The following CALY variants were observed in gnomAD, a reference collection of about 807,000 sequenced individuals.
The protein encoded by CALY is calcyon neuron specific vesicular protein.
CALY carries 15 observed loss-of-function variants against 20.2 expected under a neutral mutation model. That is an observed-to-expected ratio of 0.74 (90% confidence interval 0.50 to 1.14). CALY has a LOEUF of 1.14. CALY is among the 50% of genes most tolerant of loss of function. The pLI is 0.00. For synonymous variants in CALY, 129 were observed against 131.8 expected, an observed-to-expected ratio of 0.98 and a Z score of 0.15; for missense variants, 270 against 304.4, an observed-to-expected ratio of 0.89 and a Z score of 0.84.
rs369342402 is a variant in CALY, at chr10:133,326,107, G to A, written c.374C>T (p.Thr125Met). 12 of 1,596,000 alleles carry A rather than the reference G, an allele frequency of 7.5e-6. No homozygotes were observed. In the African/African-American group the frequency reaches 1.5e-4, roughly 20 times the overall value. The change falls in exon 5 of 6, where the codon ACG (threonine) becomes ATG (methionine). Residue 125 changes from threonine (T) to methionine (M), a missense_variant. By Grantham distance (81) the Thr-to-Met change is moderately conservative. Transcript: ENST00000252939. Reference protein sequence around the residue: ...DGFLLRHKICTPLTLEMYYTE... With the variant: ...DGFLLRHKICMPLTLEMYYTE... The stretch of plus-strand genomic sequence containing the variant: ...GTAGTACATCTCCAGGGTCAGCGGC[G>A]TGCAGATCTTGTGCTGCGGGAGGGG...
chr10:133,328,594 C>T (rs1208316662), intron 2 of CALY, among the ~76,000 whole-genome samples: 1 of 152,184 alleles, frequency 6.6e-6, no homozygotes, highest in African/African-American at 2.4e-5. Flanking sequence ...ATGGACAGCA[C>T]GTGGGCGGGG....
chr10:133,329,371 A>ATTCTCC (rs1848265310), intron 1 of CALY, among the ~76,000 whole-genome samples: 2 of 133,124 alleles, frequency 1.5e-5, no homozygotes, highest in African/African-American at 6.1e-5. Context: ...CCTCTTTCTT[A>ATTCTCC]TTCTCCTTCT....
At chr10:133,331,342 C>A (rs919597753) in intron 1 of CALY, among the ~76,000 whole-genome samples, 3 of 152,186 alleles carry the variant, frequency 2.0e-5, no homozygotes, top group Admixed American at 2.0e-4. Context: ...CTGATTGATT[C>A]ACCCATGAAA....
At chr10:133,336,786 C>T (rs1287069614) in intron 1 of CALY, 48 bp downstream of exon 1, 1 of 152,984 alleles carries the variant, frequency 6.5e-6, no homozygotes, top group African/African-American at 2.4e-5. Flanking sequence ...CCCCGCACCC[C>T]TTCGGGCCCC....
At chr10:133,336,199 C>T (rs970556316) in intron 1 of CALY, among the ~76,000 whole-genome samples, 1 of 152,254 alleles carries the variant, frequency 6.6e-6, no homozygotes, top group Non-Finnish European at 1.5e-5. Flanking sequence ...ACTGCGGGGT[C>T]GGCGCAGCCC....
chr10:133,327,912 C>G lies in CALY; in HGVS notation c.239G>C (p.Gly80Ala), dbSNP rs1848240925. The G allele has an allele frequency of 6.2e-7, 1 of 1,609,766 alleles. No homozygotes were observed. Among genetic ancestry groups the G allele is most frequent in the Non-Finnish European group, 8.5e-7 (1 of 1,176,874 alleles). ...TGGGGTGGGTGTGGTTACCCTGCGC[C>G]CTTCCTCTGGGTGGCTGCAGTTCAG... Reference protein sequence around the residue: ...QRLNCSHPEEGRRLPTARMIA... With the variant: ...QRLNCSHPEEARRLPTARMIA... Residue 80 changes from glycine to alanine, a missense_variant, in exon 3 of 6, where the codon GGG (glycine) becomes GCG (alanine). Transcript: ENST00000252939.
chr10:133,331,719 C>T (rs1469042593), intron 1 of CALY, among the ~76,000 whole-genome samples: 3 of 152,190 alleles, frequency 2.0e-5, no homozygotes, highest in Non-Finnish European at 2.9e-5. Flanking sequence ...ACCCCCCAAT[C>T]TGTAGATGCA....
intron 1 of CALY, among the ~76,000 whole-genome samples, chr10:133,332,226 G>A (rs1259644034): frequency 6.6e-6 from 1 of 152,110 alleles, no homozygotes; most frequent in Non-Finnish European, 1.5e-5. Context: ...ACTGCGTGGT[G>A]GAAAAAGTCC....
chr10:133,325,860 C>T lies in CALY; in HGVS notation c.621G>A (p.Ala207=), dbSNP rs1848195844. The T allele has an allele frequency of 1.6e-6, 2 of 1,240,540 alleles. No homozygotes were observed. Among genetic ancestry groups the T allele is most frequent in the Admixed American group, 4.3e-5 (1 of 23,336 alleles). The allele number at this position is 1,240,540 out of a possible 1,614,324, so 76.8% of individuals were successfully genotyped here. A position where few individuals can be genotyped will look rare whatever the true frequency, so the allele number is the denominator to read the frequency against. Residue 207 remains alanine (A), a synonymous_variant, in exon 5 of 6, where the codon GCG becomes GCA. Transcript: ENST00000252939. ...AKAEKEAARK[A]AGSAAPPPAQ ...CGGGCGGGGGCGCCGCGCTCCCGGC[C>T]GCCTTCCGCGCCGCCTCCTTCTCCG... is the stretch of plus-strand genomic sequence containing the variant.
intron 1 of CALY, among the ~76,000 whole-genome samples, chr10:133,330,222 C>G (rs1848279974): frequency 6.6e-6 from 1 of 152,080 alleles, no homozygotes. Flanking sequence ...GGTGCTATGG[C>G]GGCGCCTGTG....
At chr10:133,331,182 C>G (rs1446665980) in intron 1 of CALY, among the ~76,000 whole-genome samples, 2 of 152,276 alleles carry the variant, frequency 1.3e-5, no homozygotes, top group African/African-American at 4.8e-5. Context: ...AACAGTGAAC[C>G]ACTAAATCCC....
chr10:133,326,852 C>A, intron 4 of CALY, 26 bp downstream of exon 4: 1 of 1,508,426 alleles, frequency 6.6e-7, no homozygotes. Flanking sequence ...GCTCTACACC[C>A]CCCACCAGAG....
At chr10:133,329,392 C>CTTCTTCTTCTTT (rs549430070) in intron 1 of CALY, among the ~76,000 whole-genome samples, 119 of 137,454 alleles carry the variant, frequency 8.7e-4, no homozygotes, top group Non-Finnish European at 1.1e-3. Context: ...TCTTCTTCTT[C>CTTCTTCTTCTTT]TTTTTTTTTT....
Position 133,327,682 on chromosome 10 carries a change from G to A in CALY, c.246+223C>T, listed in dbSNP as rs115468790. ...CCAGAAAGAAAAACATCTCAGGAGC[G>A]CCACTGTTTGGTCAGTCTGCACCTG... On this transcript the variant is annotated intron_variant, in intron 3 of 5. Transcript: ENST00000252939. The A allele has an allele frequency of 1.6e-4, 103 of 636,256 alleles. No individual in the cohort carries two copies. The African/African-American group carries it at 1.7e-3, about 10-fold the overall frequency. The allele number at this position is 636,256 out of a possible 1,614,324, so 39.4% of individuals were successfully genotyped here. A position where few individuals can be genotyped will look rare whatever the true frequency, so the allele number is the denominator to read the frequency against.
rs1848177349 is a variant in CALY, at chr10:133,324,780, GCT to G, written c.*813_*814del. On this transcript the variant is annotated 3_prime_UTR_variant, in exon 6 of 6. Coordinates refer to ENST00000252939, the MANE Select transcript of CALY (RefSeq NM_015722.4). ...CTGGGGCTGGGGTGGGGATGCTGGG[GCT>G]GGGGTGGGGATGCTGGGGGAGACTC... 4.4e-6 allele frequency: 1 copy of G among 225,094 alleles called. No homozygotes were observed. The highest frequency in any genetic ancestry group is 8.9e-6 in the Non-Finnish European group (1 of 111,762). The allele number at this position is 225,094 out of a possible 1,614,324, so 13.9% of individuals were successfully genotyped here. A position where few individuals can be genotyped will look rare whatever the true frequency, so the allele number is the denominator to read the frequency against.
intron 2 of CALY, 26 bp downstream of exon 2, chr10:133,328,829 G>A (rs1401941890): frequency 7.2e-6 from 11 of 1,532,558 alleles, no homozygotes; most frequent in Non-Finnish European, 9.6e-6. Flanking sequence ...CCTGAGAAGG[G>A]CCCCCACGCT....
chr10:133,324,899 C>A lies in CALY; in HGVS notation c.*696G>T. ...AGACCCCAGCCCCCAGGAACCAGAG[C>A]TCACCCCTCATCAGGCCCCACTCCC... On this transcript the variant is annotated 3_prime_UTR_variant, in exon 6 of 6. Transcript: ENST00000252939. 1 of 263,394 alleles carries A rather than the reference C, an allele frequency of 3.8e-6. No individual in the cohort carries two copies. Among genetic ancestry groups the A allele is most frequent in the South Asian group, 3.5e-5 (1 of 28,908 alleles). 16.3% of individuals were successfully genotyped at this position (263,394 alleles called of 1,614,324 possible).
chr10:133,325,639 G>C (rs1848188968), intron 5 of CALY, 73 bp from the exon 6 acceptor site: 1 of 334,064 alleles, frequency 3.0e-6, no homozygotes, highest in African/African-American at 2.2e-5. Context: ...GCGTCACCCG[G>C]CGGGCTCGGA....
intron 1 of CALY, among the ~76,000 whole-genome samples, chr10:133,336,060 C>A (rs1007121611): frequency 5.3e-5 from 8 of 152,166 alleles, no homozygotes; most frequent in African/African-American, 1.9e-4. Flanking sequence ...TGGGCTTGTG[C>A]GGGCCGGGCA....
Sources: gnomAD v4.1 joint callset for allele counts (sites outside exome capture counted in the v4.1 genomes callset) on GRCh38, gnomAD v4.1.1 for gene constraint, MANE v1.5 for transcripts, NCBI Gene and HGNC (gene_info 2026-07-23, HGNC 2026-07-21) for gene names.